The following CFAP210 variants were observed in gnomAD, a reference collection of about 807,000 sequenced individuals.
CFAP210 encodes cilia and flagella associated protein 210.
At chr2:169,646,079 T>C in the CFAP210 span, 1 of 1,613,852 alleles carries the variant, frequency 6.2e-7, no homozygotes, top group African/African-American at 1.3e-5. Flanking sequence ...CTCTCTGGCA[T>C]AGTCCTGAAA....
the CFAP210 span, among the ~76,000 whole-genome samples, chr2:169,675,347 A>G: frequency 6.6e-6 from 1 of 152,216 alleles, no homozygotes; most frequent in Non-Finnish European, 1.5e-5. Flanking sequence ...AAGAAAAAAG[A>G]TTTAATTAGC....
the CFAP210 span, among the ~76,000 whole-genome samples, chr2:169,681,909 T>G: frequency 0.41 from 61,986 of 152,002 alleles, 12,921 homozygotes; most frequent in Non-Finnish European, 0.44. Context: ...GACCACAAGA[T>G]AAACCAGCCT....
chr2:169,672,456 C>T, the CFAP210 span, among the ~76,000 whole-genome samples: 15 of 152,252 alleles, frequency 9.9e-5, no homozygotes, highest in East Asian at 1.2e-3. Flanking sequence ...GACAGAAACC[C>T]GTAGTGTTCA....
the CFAP210 span, among the ~76,000 whole-genome samples, chr2:169,667,068 G>A: frequency 2.6e-5 from 4 of 151,350 alleles, no homozygotes; most frequent in African/African-American, 4.9e-5. Flanking sequence ...ATGAAGTTTG[G>A]AATCAACTTC....
chr2:169,671,639 T>C, the CFAP210 span, among the ~76,000 whole-genome samples: 26 of 152,302 alleles, frequency 1.7e-4, no homozygotes, highest in Non-Finnish European at 3.4e-4. Context: ...TGGCTAATTT[T>C]GTATTTTTTT....
At chr2:169,675,143 A>G in the CFAP210 span, 8 of 858,692 alleles carry the variant, frequency 9.3e-6, no homozygotes, top group Non-Finnish European at 1.1e-5. Flanking sequence ...TTTTTATTGT[A>G]TTTGTAATAT....
the CFAP210 span, chr2:169,661,298 C>A: frequency 1.9e-6 from 1 of 517,442 alleles, no homozygotes; most frequent in Non-Finnish European, 3.8e-6. Context: ...TCTTTTAATA[C>A]TACATTCACC....
chr2:169,653,418 A>G, the CFAP210 span, among the ~76,000 whole-genome samples: 1 of 151,920 alleles, frequency 6.6e-6, no homozygotes, highest in Non-Finnish European at 1.5e-5. Context: ...CTTATGGGCC[A>G]TTGTAAAGAC....
chr2:169,671,763 G>A, the CFAP210 span, among the ~76,000 whole-genome samples: 11 of 152,160 alleles, frequency 7.2e-5, no homozygotes, highest in African/African-American at 1.4e-4. Flanking sequence ...GAGCCACCGC[G>A]CCCAGCCGTG....
chr2:169,684,318 G>A, the CFAP210 span, among the ~76,000 whole-genome samples: 9 of 152,262 alleles, frequency 5.9e-5, no homozygotes, highest in African/African-American at 2.2e-4. Flanking sequence ...TTTTTATTGA[G>A]TTATAATACA....
At chr2:169,693,359 T>C in the CFAP210 span, among the ~76,000 whole-genome samples, 3 of 152,220 alleles carry the variant, frequency 2.0e-5, no homozygotes, top group African/African-American at 4.8e-5. Context: ...GTGGGACTAA[T>C]TGTGCTTTTC....
the CFAP210 span, among the ~76,000 whole-genome samples, chr2:169,688,038 T>C: frequency 2.0e-5 from 3 of 152,214 alleles, no homozygotes; most frequent in East Asian, 1.9e-4. Context: ...GAGCTCTACA[T>C]TGGCCCCTTT....
the CFAP210 span, chr2:169,674,673 A>C: frequency 6.2e-7 from 1 of 1,610,458 alleles, no homozygotes. Flanking sequence ...TTGAGTTTCA[A>C]CTGTTCCTCC....
the CFAP210 span, among the ~76,000 whole-genome samples, chr2:169,672,505 G>A: frequency 2.0e-5 from 3 of 152,208 alleles, no homozygotes; most frequent in African/African-American, 7.2e-5. Flanking sequence ...GAAGCTCACA[G>A]TGCAGCCTTC....
chr2:169,667,553 G>A, the CFAP210 span, among the ~76,000 whole-genome samples: 1 of 152,032 alleles, frequency 6.6e-6, no homozygotes, highest in Non-Finnish European at 1.5e-5. Context: ...CTTATGAAAT[G>A]CATTTCTTTA....
chr2:169,665,824 G>C, the CFAP210 span, among the ~76,000 whole-genome samples: 1 of 152,170 alleles, frequency 6.6e-6, no homozygotes, highest in Admixed American at 6.5e-5. Context: ...CCTGAACCAG[G>C]AAGAAAGGCA....
the CFAP210 span, chr2:169,653,988 C>A: frequency 2.7e-5 from 36 of 1,330,700 alleles, no homozygotes; most frequent in Non-Finnish European, 3.6e-5. Flanking sequence ...AAAATAAGAT[C>A]TCTGTTCCTA....
chr2:169,685,528 C>A, the CFAP210 span, among the ~76,000 whole-genome samples: 1 of 152,088 alleles, frequency 6.6e-6, no homozygotes, highest in Non-Finnish European at 1.5e-5. Context: ...ATATAATTTA[C>A]AAATATCTTC....
the CFAP210 span, among the ~76,000 whole-genome samples, chr2:169,664,684 CAG>C: frequency 6.6e-6 from 1 of 152,192 alleles, no homozygotes; most frequent in Non-Finnish European, 1.5e-5. Context: ...ATTCCCAAAG[CAG>C]AGTCAGCAAC....
Sources: gnomAD v4.1 joint callset for allele counts (sites outside exome capture counted in the v4.1 genomes callset) on GRCh38, gnomAD v4.1.1 for gene constraint, MANE v1.5 for transcripts, NCBI Gene and HGNC (gene_info 2026-07-23, HGNC 2026-07-21) for gene names.